DDX19A: variants seen among roughly 807,000 people sequenced by gnomAD.
DDX19A encodes ATP-dependent RNA helicase DDX19A.
Under a neutral mutation model 60.6 loss-of-function variants are expected in DDX19A, and 12 were observed. That is an observed-to-expected ratio of 0.20 (90% CI 0.13 to 0.32). The LOEUF (loss-of-function observed/expected upper bound fraction) is 0.32, where lower values mean the gene tolerates loss of function less well. DDX19A is among the 10% of genes least tolerant of loss of function. The pLI is 1.00. For missense variants in DDX19A, 337 were observed against 600.6 expected (o/e 0.56, Z 4.59); for synonymous variants, 206 against 218.2 (o/e 0.94, Z 0.49).
intron 4 of DDX19A, among the ~76,000 whole-genome samples, chr16:70,359,682 C>G (rs1004062865): frequency 6.6e-6 from 1 of 151,768 alleles, no homozygotes; most frequent in Non-Finnish European, 1.5e-5. Flanking sequence ...ATGGTGAAAC[C>G]TTATCTCTAC....
chr16:70,355,585 G>C (rs1964161614), intron 3 of DDX19A, 50 bp downstream of exon 3: 2 of 1,509,040 alleles, frequency 1.3e-6, no homozygotes, highest in Middle Eastern at 3.4e-4. Flanking sequence ...CCCAGGGCTT[G>C]CCTTCCTGGA....
rs1218790360 is a variant in DDX19A at position 70,370,235 on chromosome 16, G to A, written c.1033G>A (p.Ala345Thr). 1.2e-6 allele frequency: 2 copies of A among 1,609,494 alleles called. No homozygotes were observed. The highest frequency in any genetic ancestry group is 1.7e-6 in the Non-Finnish European group (2 of 1,178,982). ...TTTTTTCTTCCAGACTCGCAAAACA[G>A]CTAGTTGGCTGGCAGCAGAGCTCTC... ...AMIFCHTRKT[A>T]SWLAAELSKE... The change falls in exon 10 of 12, where the codon GCT (alanine) becomes ACT (threonine). Residue 345 changes from alanine (A) to threonine (T), a missense_variant. By Grantham distance (58) the Ala-to-Thr change is moderately conservative. This residue lies in a region of DDX19A where 117 missense variants were observed against 274.3 expected (regional missense o/e 0.43). Coordinates refer to ENST00000302243, the MANE Select transcript of DDX19A (RefSeq NM_018332.5).
At chr16:70,360,893 AG>A (rs1399276560) in intron 4 of DDX19A, 1 of 159,902 alleles carries the variant, frequency 6.3e-6, no homozygotes, top group Non-Finnish European at 1.3e-5. Flanking sequence ...CTGGGACTAC[AG>A]GTGTGTCCAG....
intron 9 of DDX19A, 141 bp downstream of exon 9, chr16:70,367,002 G>A (rs1964539540): frequency 1.0e-6 from 1 of 988,816 alleles, no homozygotes; most frequent in African/African-American, 1.6e-5. Context: ...CTCTCCTTTA[G>A]TGGGGGTAAT....
chr16:70,353,968 C>G (rs1230384725), intron 2 of DDX19A, among the ~76,000 whole-genome samples: 2 of 151,164 alleles, frequency 1.3e-5, no homozygotes, highest in African/African-American at 4.9e-5. Flanking sequence ...GCTCAAACTC[C>G]TGGGCTCAAG....
chr16:70,369,275 GTTCAAGCGATTCTCCTCCCTCGGC>G (rs1389492665), intron 9 of DDX19A, among the ~76,000 whole-genome samples: 2 of 149,468 alleles, frequency 1.3e-5, no homozygotes, highest in Admixed American at 6.7e-5. Flanking sequence ...TGCCTCCCGG[GTTCAAGCGATTCTCCTCCCTCGGC>G]TTCCTGAGTA....
chr16:70,361,172 T>C (rs1319924447), intron 4 of DDX19A, among the ~76,000 whole-genome samples: 1 of 152,240 alleles, frequency 6.6e-6, no homozygotes, highest in Non-Finnish European at 1.5e-5. Flanking sequence ...CATTAATTTC[T>C]CTAAGAAAAG....
chr16:70,362,130 G>A (rs142424950), intron 5 of DDX19A, among the ~76,000 whole-genome samples: 6 of 149,176 alleles, frequency 4.0e-5, no homozygotes, highest in Non-Finnish European at 7.4e-5. Context: ...AGCCGAGATG[G>A]TGCCACTGTA....
At position 70,356,245 on chromosome 16, in the gene DDX19A, G is replaced by A; in HGVS notation, c.291G>A (p.Arg97=). Residue 97 remains arginine (R), a splice_region_variant and synonymous_variant, in exon 4 of 12, where the codon CGG becomes CGA. Coordinates refer to ENST00000302243, the MANE Select transcript of DDX19A (RefSeq NM_018332.5). ...LYSVKSFEEL[R]LKPQLLQGVY... The stretch of plus-strand genomic sequence containing the variant: ...CGGTGAAGTCGTTTGAAGAGCTTCG[G>A]CTGTGAGTATTCGCTCCTTTCAACA... 1 of 1,614,172 alleles carries A rather than the reference G, an allele frequency of 6.2e-7. No homozygotes were observed. The highest frequency in any genetic ancestry group is 8.5e-7 in the Non-Finnish European group (1 of 1,180,044).
chr16:70,359,839 G>A (rs1340599257), intron 4 of DDX19A, among the ~76,000 whole-genome samples: 1 of 152,118 alleles, frequency 6.6e-6, no homozygotes, highest in Non-Finnish European at 1.5e-5. Flanking sequence ...GCGACAGAGT[G>A]AGAACGTCTC....
intron 2 of DDX19A, among the ~76,000 whole-genome samples, chr16:70,352,582 C>A (rs1468670843): frequency 1.4e-5 from 2 of 147,728 alleles, no homozygotes; most frequent in Non-Finnish European, 3.0e-5. Flanking sequence ...TGTGCCTGGC[C>A]CTTCCTTGTG....
Position 70,371,460 on chromosome 16 carries a change from C to T in DDX19A, c.1272C>T (p.His424=), listed in dbSNP as rs1597545117. The T allele has an allele frequency of 1.2e-6, 2 of 1,611,262 alleles. No homozygotes were observed. Among genetic ancestry groups the T allele is most frequent in the Non-Finnish European group, 1.7e-6 (2 of 1,178,304 alleles). ...ATCCTGACAATGAGACCTACCTGCA[C>T]CGGATCGGGCGCACGGGCCGCTTTG... ...DGNPDNETYL[H]RIGRTGRFGK... The change falls in exon 11 of 12, where the codon CAC becomes CAT. Residue 424 remains histidine (H), a synonymous_variant. Coordinates refer to ENST00000302243, the MANE Select transcript of DDX19A (RefSeq NM_018332.5).
intron 8 of DDX19A, 54 bp from the exon 9 acceptor site, chr16:70,366,570 T>G (rs1348056187): frequency 6.2e-7 from 1 of 1,608,538 alleles, no homozygotes; most frequent in East Asian, 2.2e-5. Context: ...GAGGCTGTGC[T>G]TCCGTTGCTT....
chr16:70,361,772 C>T (rs1004361475), intron 5 of DDX19A: 9 of 327,292 alleles, frequency 2.7e-5, no homozygotes, highest in African/African-American at 1.7e-4. Context: ...CATGGTGGCT[C>T]ACTCCTGTAA....
chr16:70,357,275 A>G (rs1964228738), intron 4 of DDX19A, among the ~76,000 whole-genome samples: 1 of 114,314 alleles, frequency 8.7e-6, no homozygotes, highest in African/African-American at 4.8e-5. Context: ...AAAAAAATAT[A>G]TATATATATA....
At chr16:70,349,948 T>G (rs1454135825) in intron 1 of DDX19A, among the ~76,000 whole-genome samples, 1 of 152,192 alleles carries the variant, frequency 6.6e-6, no homozygotes, top group African/African-American at 2.4e-5. Context: ...AATAAATGAT[T>G]CATGGTCTTA....
At position 70,366,224 on chromosome 16, in the gene DDX19A, C is replaced by T. The variant is rs1335342179; in HGVS notation, c.744C>T (p.Ala248=). The T allele has an allele frequency of 6.2e-7, 1 of 1,613,940 alleles. No individual in the cohort carries two copies. Among genetic ancestry groups the T allele is most frequent in the Non-Finnish European group, 8.5e-7 (1 of 1,180,020 alleles). The change falls in exon 8 of 12, where the codon GCC becomes GCT. Residue 248 remains alanine, a synonymous_variant. Transcript: ENST00000302243. ...TGGATGAGGCTGATGTCATGATAGC[C>T]ACTCAGGGCCACCAAGATCAGAGCA... ...FVLDEADVMI[A]TQGHQDQSIR...
At chr16:70,369,417 ATCGGCCCACC>A (rs755077895) in intron 9 of DDX19A, among the ~76,000 whole-genome samples, 1 of 150,822 alleles carries the variant, frequency 6.6e-6, no homozygotes, top group Non-Finnish European at 1.5e-5. Context: ...TGACCTCGCG[ATCGGCCCACC>A]TCGGCCTCCC....
At chr16:70,355,147 C>T (rs1044316484) in intron 2 of DDX19A, among the ~76,000 whole-genome samples, 6 of 151,936 alleles carry the variant, frequency 3.9e-5, no homozygotes, top group Non-Finnish European at 8.8e-5. Context: ...CCAAGGTGGG[C>T]GGATCACTTG....
Sources: gnomAD v4.1 joint callset for allele counts (sites outside exome capture counted in the v4.1 genomes callset) on GRCh38, gnomAD v4.1.1 for gene constraint, gnomAD v4.1.1 regional missense constraint, MANE v1.5 for transcripts, NCBI Gene and HGNC (gene_info 2026-07-23, HGNC 2026-07-21) for gene names.